The following DSCAM variants were observed in gnomAD, a reference collection of about 807,000 sequenced individuals.
DSCAM encodes the protein DS cell adhesion molecule.
A neutral mutation model predicts 217.7 loss-of-function variants in DSCAM; 47 were observed. That is an observed-to-expected ratio of 0.22 (90% CI 0.17 to 0.28). The LOEUF (loss-of-function observed/expected upper bound fraction) is 0.28. Ranked by LOEUF, DSCAM falls within the 10% of genes least tolerant of loss-of-function variation. The probability of loss-of-function intolerance (pLI) is 1.00; values close to 1 mark genes in which losing one functional copy is unlikely to be tolerated. For synonymous variants in DSCAM, 1,056 were observed against 1,015.3 expected (o/e 1.04, Z -0.76); for missense variants, 2,080 against 2,618.3 (o/e 0.79, Z 4.49).
At chr21:40,319,792 A>G (rs1292431648) in intron 8 of DSCAM, among the ~76,000 whole-genome samples, 1 of 152,170 alleles carries the variant, frequency 6.6e-6, no homozygotes, top group Non-Finnish European at 1.5e-5. Flanking sequence ...ATGCAGGCCA[A>G]ATTTCACAAT....
intron 11 of DSCAM, among the ~76,000 whole-genome samples, chr21:40,266,092 G>A (rs1190041387): frequency 6.6e-6 from 1 of 152,096 alleles, no homozygotes; most frequent in Admixed American, 6.5e-5. Flanking sequence ...GTAAATATTT[G>A]AAAATTATGC....
intron 3 of DSCAM, among the ~76,000 whole-genome samples, chr21:40,443,085 C>T (rs1449152176): frequency 1.3e-5 from 2 of 152,228 alleles, no homozygotes; most frequent in African/African-American, 4.8e-5. Flanking sequence ...TTTGCTCTCA[C>T]ACCTGTGGAT....
chr21:40,057,744 C>T (rs1401905476), intron 28 of DSCAM, among the ~76,000 whole-genome samples: 2 of 152,212 alleles, frequency 1.3e-5, no homozygotes, highest in Non-Finnish European at 2.9e-5. Flanking sequence ...GTAAATTCTT[C>T]CTCCTCAGAA....
At chr21:40,219,235 C>T (rs1317457875) in intron 11 of DSCAM, among the ~76,000 whole-genome samples, 2 of 152,204 alleles carry the variant, frequency 1.3e-5, no homozygotes, top group East Asian at 1.9e-4. Context: ...TGAGATAATC[C>T]TGTGGCTTTT....
chr21:40,355,320 T>C (rs2074680311), intron 4 of DSCAM, among the ~76,000 whole-genome samples: 1 of 152,072 alleles, frequency 6.6e-6, no homozygotes, highest in South Asian at 2.1e-4. Context: ...AGCAAGACAA[T>C]GGATTAAAAA....
In DSCAM at chr21:40,019,544, G is replaced by A. The variant is rs533529649; in HGVS notation, c.5687-6158C>T. ...CACAGGGAGCAGGGCCTTCTTGGGTGTGTCTGGTACTCCCCAGCTCACCTG... is the reference window on the plus strand; with the variant it reads ...CACAGGGAGCAGGGCCTTCTTGGGTATGTCTGGTACTCCCCAGCTCACCTG... On this transcript the variant is annotated intron_variant, in intron 32 of 32. Transcript: ENST00000400454. Among the ~76,000 whole-genome samples, 99 of 152,310 alleles carry A rather than the reference G, an allele frequency of 6.5e-4. 4 individuals carry two copies. In the South Asian group the frequency reaches 0.017, roughly 25 times the overall value.
intron 3 of DSCAM, among the ~76,000 whole-genome samples, chr21:40,417,745 A>T (rs375862352): frequency 6.6e-6 from 1 of 152,318 alleles, no homozygotes; most frequent in South Asian, 2.1e-4. Flanking sequence ...AGTTAATATT[A>T]ATCACAAGAA....
chr21:40,126,274 A>C (rs1448738245), intron 19 of DSCAM, among the ~76,000 whole-genome samples: 2 of 151,900 alleles, frequency 1.3e-5, no homozygotes, highest in Non-Finnish European at 2.9e-5. Flanking sequence ...AGAAAAAAGA[A>C]AGGAAGGAAG....
chr21:40,776,887 G>C lies in DSCAM; in HGVS notation c.44-68116C>G, dbSNP rs1042079291. Among the ~76,000 whole-genome samples the C allele has an allele frequency of 2.6e-5, 4 of 152,292 alleles. No homozygotes were observed. The East Asian group carries it at 5.8e-4, about 22-fold the overall frequency. The stretch of plus-strand genomic sequence containing the variant: ...TTCCCTTTAAGCTTCCTTAAAATAA[G>C]AGTAATGAGCTAAGAAAAGAGGGAA... On this transcript the variant is annotated intron_variant, in intron 1 of 32. Coordinates refer to ENST00000400454, the MANE Select transcript of DSCAM (RefSeq NM_001389.5).
intron 3 of DSCAM, among the ~76,000 whole-genome samples, chr21:40,587,480 G>A (rs1233755142): frequency 6.6e-6 from 1 of 152,166 alleles, no homozygotes; most frequent in Non-Finnish European, 1.5e-5. Flanking sequence ...GTAACTGGCT[G>A]CATTACCAAA....
chr21:40,385,749 G>A (rs1343894536), intron 3 of DSCAM, among the ~76,000 whole-genome samples: 1 of 152,072 alleles, frequency 6.6e-6, no homozygotes, highest in East Asian at 1.9e-4. Context: ...GTCCCCCTCT[G>A]ACAGCTCTTT....
intron 3 of DSCAM, among the ~76,000 whole-genome samples, chr21:40,648,581 AT>A (rs1392375819): frequency 1.3e-5 from 2 of 152,124 alleles, no homozygotes; most frequent in African/African-American, 2.4e-5. Flanking sequence ...CTTTTCTCTG[AT>A]TGATCCCCAC....
intron 3 of DSCAM, among the ~76,000 whole-genome samples, chr21:40,554,109 C>T (rs1316303060): frequency 6.6e-6 from 1 of 151,800 alleles, no homozygotes; most frequent in Non-Finnish European, 1.5e-5. Flanking sequence ...TGGGCTTAAA[C>T]AATCCTCCTG....
chr21:40,783,580 G>A lies in DSCAM; in HGVS notation c.43+63039C>T, dbSNP rs888157947. Among the ~76,000 whole-genome samples, 95 of 152,112 alleles carry A rather than the reference G, an allele frequency of 6.2e-4. 1 individual carries two copies. The highest frequency in any genetic ancestry group is 2.2e-3 in the African/African-American group (91 of 41,412). The stretch of plus-strand genomic sequence containing the variant: ...AATTGGGAAAGTAATATCTGCTGCG[G>A]GTGACACAGGAAAGGCATCTGTGGA... On this transcript the variant is annotated intron_variant, in intron 1 of 32. Coordinates refer to ENST00000400454, the MANE Select transcript of DSCAM (RefSeq NM_001389.5).
At chr21:40,748,975 T>C (rs1007105895) in intron 1 of DSCAM, among the ~76,000 whole-genome samples, 5 of 152,124 alleles carry the variant, frequency 3.3e-5, no homozygotes, top group African/African-American at 9.7e-5. Context: ...GAAGTACTCA[T>C]TGGGGAAAGG....
intron 3 of DSCAM, among the ~76,000 whole-genome samples, chr21:40,602,612 G>C (rs1011932093): frequency 1.3e-5 from 2 of 151,910 alleles, no homozygotes; most frequent in Admixed American, 6.6e-5. Context: ...ATGGCTACAG[G>C]GCTTTTCATA....
intron 3 of DSCAM, among the ~76,000 whole-genome samples, chr21:40,681,025 A>C (rs560398212): frequency 7.0e-4 from 106 of 152,358 alleles, no homozygotes; most frequent in African/African-American, 2.4e-3. Flanking sequence ...TATCCAATAA[A>C]AATTCAGTTT....
At chr21:40,299,927 G>A (rs978605610) in intron 9 of DSCAM, among the ~76,000 whole-genome samples, 5 of 152,148 alleles carry the variant, frequency 3.3e-5, no homozygotes, top group African/African-American at 1.2e-4. Flanking sequence ...GCCCCCACAA[G>A]GAGTCACTTA....
rs1321793450 is a variant in DSCAM, at chr21:40,104,361, C to T, written c.3697-10487G>A. 2.6e-5 allele frequency among the ~76,000 whole-genome samples: 4 copies of T among 152,154 alleles called. No individual in the cohort carries two copies. The East Asian group carries it at 7.7e-4, about 29-fold the overall frequency. ...CAAAATTGAAAAAAATAGCTCTTTC[C>T]ACTAGTGTTAATTGAAAAATGATTT... On this transcript the variant is annotated intron_variant, in intron 20 of 32. Transcript: ENST00000400454.
Sources: allele counts gnomAD v4.1 joint callset (sites outside exome capture counted in the v4.1 genomes callset), GRCh38; gene constraint gnomAD v4.1.1; transcripts MANE v1.5; gene names NCBI Gene and HGNC (gene_info 2026-07-23, HGNC 2026-07-21).